The following ARRB1 variants were observed in gnomAD, a reference collection of about 807,000 sequenced individuals.
The protein encoded by ARRB1 is beta-arrestin-1.
In ARRB1, 21 loss-of-function variants were observed where a neutral mutation model predicts 56.8. That is an observed-to-expected ratio of 0.37 (90% CI 0.26 to 0.53). The LOEUF is 0.53. Among genes scored for constraint, ARRB1 ranks in the 20% least tolerant of loss-of-function variants. ARRB1 has a pLI of 0.88. For missense variants in ARRB1, 424 were observed against 553.7 expected, an observed-to-expected ratio of 0.77 and a Z score of 2.35; for synonymous variants, 210 against 218.6, an observed-to-expected ratio of 0.96 and a Z score of 0.35.
In ARRB1 at chr11:75,264,335, T is replaced by G. The variant is rs1034647207; in HGVS notation, c.*1828A>C. 2 of 152,188 alleles carry G rather than the reference T, an allele frequency of 1.3e-5. No homozygotes were observed. Among genetic ancestry groups the G allele is most frequent in the Admixed American group, 6.5e-5 (1 of 15,272 alleles). The allele number at this position is 152,188 out of a possible 1,614,324, so 9.4% of individuals were successfully genotyped here. On this transcript the variant is annotated 3_prime_UTR_variant, in exon 16 of 16. Coordinates refer to ENST00000420843, the MANE Select transcript of ARRB1 (RefSeq NM_004041.5). ...TTTTGTCTCCCTTTTCAGACAAGTA[T>G]GGGAGAGAGATGGAAGGGAGCAGAA... is the stretch of plus-strand genomic sequence containing the variant.
At chr11:75,322,106 C>A (rs906413419) in intron 1 of ARRB1, among the ~76,000 whole-genome samples, 3 of 152,214 alleles carry the variant, frequency 2.0e-5, no homozygotes, top group Non-Finnish European at 4.4e-5. Flanking sequence ...CACAGACCAG[C>A]CTAAGGAGTC....
At chr11:75,345,438 C>A (rs963402861) in intron 1 of ARRB1, among the ~76,000 whole-genome samples, 5 of 152,102 alleles carry the variant, frequency 3.3e-5, no homozygotes, top group African/African-American at 1.2e-4. Context: ...GGGACAGGAA[C>A]CATCCTGTCC....
chr11:75,268,072 A>G (rs1945974389), intron 14 of ARRB1, among the ~76,000 whole-genome samples: 1 of 152,164 alleles, frequency 6.6e-6, no homozygotes, highest in Admixed American at 6.5e-5. Flanking sequence ...ACATCTCCAA[A>G]TTTGGAGTGT....
intron 1 of ARRB1, among the ~76,000 whole-genome samples, chr11:75,343,211 T>C (rs1947716427): frequency 6.6e-6 from 1 of 151,952 alleles, no homozygotes; most frequent in Non-Finnish European, 1.5e-5. Flanking sequence ...GAGGGATGAG[T>C]GCTGAGAGAG....
chr11:75,287,436 T>C (rs1946508172), intron 2 of ARRB1, 61 bp from the exon 3 acceptor site: 2 of 1,520,670 alleles, frequency 1.3e-6, no homozygotes, highest in African/African-American at 2.8e-5. Flanking sequence ...CAGGACCCTG[T>C]CTTGGAGGAA....
intron 1 of ARRB1, among the ~76,000 whole-genome samples, chr11:75,327,201 C>A (rs949704768): frequency 1.4e-5 from 2 of 144,374 alleles, no homozygotes; most frequent in African/African-American, 5.2e-5. Flanking sequence ...ACTCGGGAGG[C>A]TGAGGCAGGA....
intron 1 of ARRB1, among the ~76,000 whole-genome samples, chr11:75,317,741 G>A (rs11236393): frequency 0.069 from 10,452 of 152,228 alleles, 1,200 homozygotes; most frequent in African/African-American, 0.24. Flanking sequence ...TGTGCTAAGA[G>A]CTGTGCTTAG....
chr11:75,280,068 G>C (rs764236822), intron 7 of ARRB1, among the ~76,000 whole-genome samples: 1 of 152,120 alleles, frequency 6.6e-6, no homozygotes, highest in Non-Finnish European at 1.5e-5. Flanking sequence ...ATAAATGATA[G>C]CTTCTATATC....
intron 14 of ARRB1, among the ~76,000 whole-genome samples, chr11:75,267,914 G>A (rs1268465590): frequency 6.6e-6 from 1 of 152,150 alleles, no homozygotes; most frequent in Non-Finnish European, 1.5e-5. Context: ...GAGGGCCCCG[G>A]ATCCCCACTG....
At chr11:75,306,547 T>C (rs1947035231) in intron 1 of ARRB1, 2 of 1,225,298 alleles carry the variant, frequency 1.6e-6, no homozygotes, top group Non-Finnish European at 1.1e-6. Context: ...AGATAGAAAG[T>C]CTTACCCCAT....
intron 1 of ARRB1, among the ~76,000 whole-genome samples, chr11:75,315,998 C>T (rs950466468): frequency 6.6e-6 from 1 of 152,168 alleles, no homozygotes; most frequent in African/African-American, 2.4e-5. Context: ...AGAGGTGGCA[C>T]TCAGCTGTTT....
intron 3 of ARRB1, among the ~76,000 whole-genome samples, chr11:75,287,107 T>C (rs192853415): frequency 3.0e-4 from 45 of 152,284 alleles, no homozygotes; most frequent in Non-Finnish European, 8.8e-5. Context: ...CCTTCCCTGA[T>C]TGTCACCTCA....
chr11:75,308,340 T>C (rs1947076812), intron 1 of ARRB1, among the ~76,000 whole-genome samples: 1 of 152,186 alleles, frequency 6.6e-6, no homozygotes, highest in Non-Finnish European at 1.5e-5. Flanking sequence ...CCAGGCCCCA[T>C]GACCAAGGCC....
chr11:75,261,210 G>A lies in ARRB1; in HGVS notation c.*4953C>T. On this transcript the variant is annotated 3_prime_UTR_variant, in exon 16 of 16. Transcript: ENST00000420843. ...TGTGTGTGTGTGTGTGTGTGTGTGT[G>A]TGTGTGTGTGTATAAATGCTTGTGC... 6.6e-6 allele frequency: 1 copy of A among 150,662 alleles called. No individual in the cohort carries two copies. The allele number at this position is 150,662 out of a possible 1,614,324, so 9.3% of individuals were successfully genotyped here. A position where few individuals can be genotyped will look rare whatever the true frequency, so the allele number is the denominator to read the frequency against.
At chr11:75,269,479 G>C (rs1162971630) in intron 13 of ARRB1, among the ~76,000 whole-genome samples, 3 of 152,226 alleles carry the variant, frequency 2.0e-5, no homozygotes, top group Non-Finnish European at 4.4e-5. Flanking sequence ...GCACTGTTGA[G>C]GTCAGTTTAG....
At chr11:75,295,859 G>A (rs373200031) in intron 1 of ARRB1, among the ~76,000 whole-genome samples, 153 of 152,268 alleles carry the variant, frequency 1.0e-3, no homozygotes, top group Middle Eastern at 3.4e-3. Context: ...GGTTCTTACC[G>A]GCCACAGGCT....
chr11:75,266,047 C>T lies in ARRB1; in HGVS notation c.*116G>A. 2 of 919,784 alleles carry T rather than the reference C, an allele frequency of 2.2e-6. No individual in the cohort carries two copies. Among genetic ancestry groups the T allele is most frequent in the Non-Finnish European group, 3.4e-6 (2 of 589,240 alleles). The allele number at this position is 919,784 out of a possible 1,614,324, so 57.0% of individuals were successfully genotyped here. On this transcript the variant is annotated 3_prime_UTR_variant, in exon 16 of 16. Transcript: ENST00000420843. ...CCGTGATCTGGAAGCCCACGGGGCC[C>T]CCTGGTAGAAACTGGAAGAACAAAG...
intron 1 of ARRB1, among the ~76,000 whole-genome samples, chr11:75,310,868 C>T (rs1447884994): frequency 2.6e-5 from 4 of 152,160 alleles, no homozygotes; most frequent in Non-Finnish European, 5.9e-5. Flanking sequence ...ACAGGCCAGA[C>T]CCCAGGAGGC....
rs766082631 is a variant in ARRB1 at position 75,303,527 on chromosome 11, C to T, written c.21-13488G>A. 178 of 454,416 alleles carry T rather than the reference C, an allele frequency of 3.9e-4. 1 individual carries two copies. Among genetic ancestry groups the T allele is most frequent in the Non-Finnish European group, 5.5e-4 (124 of 225,656 alleles). The allele number at this position is 454,416 out of a possible 1,614,324, so 28.1% of individuals were successfully genotyped here. A position where few individuals can be genotyped will look rare whatever the true frequency, so the allele number is the denominator to read the frequency against. On this transcript the variant is annotated intron_variant, in intron 1 of 15. Transcript: ENST00000420843. ...GCTCCCTCCTTTGCTTCCTTCCATT[C>T]GTCTTTCTTATTTCCCTCCTTTCTT...
Sources: gnomAD v4.1 joint callset for allele counts (sites outside exome capture counted in the v4.1 genomes callset) on GRCh38, gnomAD v4.1.1 for gene constraint, MANE v1.5 for transcripts, NCBI Gene and HGNC (gene_info 2026-07-23, HGNC 2026-07-21) for gene names.